Variants in CD300C observed in about 807,000 individuals in gnomAD.
CD300C encodes CD300c molecule, also known as CMRF35-like molecule 6.
A neutral mutation model predicts 18.4 loss-of-function variants in CD300C; 11 were observed. The observed-to-expected ratio is 0.60, with a 90% CI of 0.38 to 0.99. CD300C has a LOEUF of 0.99. Among genes scored for constraint, CD300C ranks in the 50% least tolerant of loss-of-function variants. The pLI is 0.01. For missense variants in CD300C, 277 were observed against 287.4 expected, an observed-to-expected ratio of 0.96 and a Z score of 0.26; for synonymous variants, 116 against 116.3, an observed-to-expected ratio of 1.00 and a Z score of 0.02.
downstream of CD300C, among the ~76,000 whole-genome samples, chr17:74,537,583 C>T (rs952759316): frequency 2.0e-5 from 3 of 150,086 alleles, no homozygotes; most frequent in East Asian, 2.0e-4. Context: ...GAGCCGAGAT[C>T]GCACCACTGC....
downstream of CD300C, among the ~76,000 whole-genome samples, chr17:74,536,602 CAAAAG>C (rs1188868188): frequency 6.6e-6 from 1 of 151,072 alleles, no homozygotes; most frequent in Non-Finnish European, 1.5e-5. Context: ...AGGCATTTCT[CAAAAG>C]AGAAAATTCA....
intron 1 of CD300C, 58 bp downstream of exon 1, chr17:74,545,664 C>G: frequency 7.3e-7 from 1 of 1,376,612 alleles, no homozygotes; most frequent in Non-Finnish European, 1.0e-6. Context: ...GCCTGCACCC[C>G]TCCCTGCCCT....
At chr17:74,543,278 G>A (rs1216526740) in intron 2 of CD300C, among the ~76,000 whole-genome samples, 1 of 152,234 alleles carries the variant, frequency 6.6e-6, no homozygotes, top group African/African-American at 2.4e-5. Flanking sequence ...GGAGGGACAG[G>A]GTGACCTGGG....
chr17:74,541,857 C>G (rs1322016047), intron 3 of CD300C, 121 bp from the exon 4 acceptor site: 2 of 1,022,644 alleles, frequency 2.0e-6, no homozygotes, highest in East Asian at 5.2e-5. Flanking sequence ...AAGCACCCCC[C>G]TGGACAGTCC....
Position 74,545,806 on chromosome 17 carries a change from C to G in CD300C, c.-24G>C. 6.3e-7 allele frequency: 1 copy of G among 1,598,936 alleles called. No individual in the cohort carries two copies. Among genetic ancestry groups the G allele is most frequent in the South Asian group, 1.1e-5 (1 of 89,000 alleles). On this transcript the variant is annotated 5_prime_UTR_variant, in exon 1 of 4. Transcript: ENST00000330793. ...ATTCCTGTAACACGAATGTCACCTG[C>G]CACTGTGCAAGACCCCAGGAGGGGA...
At chr17:74,538,578 A>G (rs967992796), downstream of CD300C, among the ~76,000 whole-genome samples, 1 of 152,198 alleles carries the variant, frequency 6.6e-6, no homozygotes, top group Non-Finnish European at 1.5e-5. Context: ...CTTGAGATTC[A>G]GGGCTGTGGG....
At chr17:74,540,838 G>A (rs1410685642), downstream of CD300C, among the ~76,000 whole-genome samples, 2 of 152,186 alleles carry the variant, frequency 1.3e-5, no homozygotes, top group Non-Finnish European at 2.9e-5. Flanking sequence ...GAAGGAGGAA[G>A]GGTAGGCCTG....
At chr17:74,541,781 G>A (rs1397609038) in intron 3 of CD300C, 45 bp from the exon 4 acceptor site, 41 of 1,579,462 alleles carry the variant, frequency 2.6e-5, no homozygotes, top group Non-Finnish European at 3.4e-5. Flanking sequence ...CCCCAGGGGA[G>A]GCCCAGGTGC....
downstream of CD300C, among the ~76,000 whole-genome samples, chr17:74,536,957 AAAG>A (rs778170432): frequency 3.9e-5 from 6 of 152,214 alleles, no homozygotes; most frequent in Middle Eastern, 6.8e-3. Flanking sequence ...AGAAGGAAGA[AAAG>A]GAGGAGGAGG....
At chr17:74,539,121 C>G (rs776792043), downstream of CD300C, among the ~76,000 whole-genome samples, 1 of 152,298 alleles carries the variant, frequency 6.6e-6, no homozygotes, top group East Asian at 1.9e-4. Flanking sequence ...AAGCATATTC[C>G]TTGACTCTCC....
downstream of CD300C, among the ~76,000 whole-genome samples, chr17:74,538,805 A>T (rs1489240248): frequency 2.6e-5 from 4 of 152,210 alleles, no homozygotes; most frequent in African/African-American, 9.7e-5. Context: ...CTTCACAGAT[A>T]AACTGGCACC....
downstream of CD300C, among the ~76,000 whole-genome samples, chr17:74,540,334 C>A (rs761670093): frequency 6.6e-6 from 1 of 152,214 alleles, no homozygotes; most frequent in Non-Finnish European, 1.5e-5. Context: ...TATTTTACTC[C>A]GTGGCTCTTT....
At chr17:74,540,995 C>G (rs1598137046), downstream of CD300C, 10 of 152,502 alleles carry the variant, frequency 6.6e-5, 2 homozygotes, top group Admixed American at 6.5e-4. Flanking sequence ...GACCCCCATT[C>G]CGAGAGGCCT....
chr17:74,535,418 G>A, the CD300C span, among the ~76,000 whole-genome samples: 74,398 of 146,056 alleles, frequency 0.51, 19,325 homozygotes, highest in Middle Eastern at 0.66. Flanking sequence ...GCAGTGAGCC[G>A]AGATTGCACC....
At chr17:74,539,151 C>T (rs116667452), downstream of CD300C, among the ~76,000 whole-genome samples, 11 of 152,314 alleles carry the variant, frequency 7.2e-5, no homozygotes, top group African/African-American at 2.2e-4. Flanking sequence ...TACAGATTTC[C>T]GTTCCTTTCT....
In CD300C at chr17:74,541,747, A is replaced by G. The variant is rs772371478; in HGVS notation, c.528-11T>C. 1.3e-5 allele frequency: 21 copies of G among 1,610,034 alleles called. No homozygotes were observed. Among genetic ancestry groups the G allele is most frequent in the Middle Eastern group, 1.6e-4 (1 of 6,074 alleles). On this transcript the variant is annotated splice_polypyrimidine_tract_variant and intron_variant, in intron 3 of 3. Transcript: ENST00000330793. ...TTGCTGAACAGGGAGCTGTGGGGAC[A>G]CGGTGACAGGCAGTGAGTCACCTCC...
At chr17:74,543,020 A>G (rs373233196) in intron 2 of CD300C, 33 bp from the exon 3 acceptor site, 49 of 1,611,632 alleles carry the variant, frequency 3.0e-5, no homozygotes, top group Non-Finnish European at 4.1e-5. Flanking sequence ...CCTTGATGAC[A>G]TCACATGGGT....
In CD300C at chr17:74,541,459, A is replaced by T; in HGVS notation, c.*130T>A. 1 of 700,580 alleles carries T rather than the reference A, an allele frequency of 1.4e-6. No homozygotes were observed. Among genetic ancestry groups the T allele is most frequent in the Non-Finnish European group, 2.6e-6 (1 of 387,930 alleles). 43.4% of individuals were successfully genotyped at this position (700,580 alleles called of 1,614,324 possible). A position where few individuals can be genotyped will look rare whatever the true frequency, so the allele number is the denominator to read the frequency against. ...CACATGAGGATCGGGCACAGGGAAAAGGCTGAAGGAGGCTCACAAAGGATT... is the reference window on the plus strand; with the variant it reads ...CACATGAGGATCGGGCACAGGGAAATGGCTGAAGGAGGCTCACAAAGGATT... On this transcript the variant is annotated 3_prime_UTR_variant, in exon 4 of 4. Transcript: ENST00000330793.
At chr17:74,539,836 C>G (rs1204339572), downstream of CD300C, among the ~76,000 whole-genome samples, 3 of 152,164 alleles carry the variant, frequency 2.0e-5, no homozygotes, top group African/African-American at 7.2e-5. Context: ...GTGTTTATCA[C>G]TGTTTTGTTG....
Sources: gnomAD v4.1 joint callset for allele counts (sites outside exome capture counted in the v4.1 genomes callset) on GRCh38, gnomAD v4.1.1 for gene constraint, MANE v1.5 for transcripts, NCBI Gene and HGNC (gene_info 2026-07-23, HGNC 2026-07-21) for gene names.